Variants in RAB27A observed in about 807,000 individuals in gnomAD.
RAB27A encodes RAB27A, member RAS oncogene family.
RAB27A carries 17 observed loss-of-function variants against 20.8 expected under a neutral mutation model. That is an observed-to-expected ratio of 0.82 (90% CI 0.56 to 1.23). The LOEUF is 1.23. RAB27A is among the 50% of genes most tolerant of loss of function. The pLI, the probability that RAB27A is intolerant of heterozygous loss-of-function variation, is 0.00. For synonymous variants in RAB27A, 85 were observed against 92.8 expected (o/e 0.92, Z 0.48); for missense variants, 277 against 266.7 (o/e 1.04, Z -0.27).
chr15:55,225,487 TCTCAGGTCCCA>T (rs1157408489), intron 5 of RAB27A, among the ~76,000 whole-genome samples: 2 of 152,178 alleles, frequency 1.3e-5, no homozygotes, highest in Admixed American at 1.3e-4. Context: ...GACATGCAAG[TCTCAGGTCCCA>T]CTCCAGCTCT....
chr15:55,268,941 C>T (rs1897607667), intron 2 of RAB27A, among the ~76,000 whole-genome samples: 1 of 152,068 alleles, frequency 6.6e-6, no homozygotes, highest in Admixed American at 6.6e-5. Flanking sequence ...CCTAATCCAC[C>T]CTCATGGTCT....
intron 2 of RAB27A, among the ~76,000 whole-genome samples, chr15:55,252,870 C>T (rs989563519): frequency 9.9e-5 from 15 of 151,526 alleles, no homozygotes; most frequent in African/African-American, 3.4e-4. Flanking sequence ...CGCGGTGGCT[C>T]ACACCTGTAA....
chr15:55,227,743 T>G (rs999293817), intron 5 of RAB27A, among the ~76,000 whole-genome samples: 1 of 152,182 alleles, frequency 6.6e-6, no homozygotes, highest in Non-Finnish European at 1.5e-5. Flanking sequence ...CACTAAATTA[T>G]TTTTAAACTC....
chr15:55,314,432 G>T (rs149963477), intron 1 of RAB27A, among the ~76,000 whole-genome samples: 159 of 152,236 alleles, frequency 1.0e-3, no homozygotes, highest in African/African-American at 3.7e-3. Context: ...AGGGAATCAG[G>T]CAAGAGAAGA....
chr15:55,274,382 G>T (rs1051544584), intron 1 of RAB27A, among the ~76,000 whole-genome samples: 6 of 151,618 alleles, frequency 4.0e-5, no homozygotes, highest in African/African-American at 1.5e-4. Flanking sequence ...AAGAAAGAAT[G>T]AAATAATAAA....
At chr15:55,265,701 C>A (rs977986416) in intron 2 of RAB27A, among the ~76,000 whole-genome samples, 1 of 150,638 alleles carries the variant, frequency 6.6e-6, no homozygotes, top group Non-Finnish European at 1.5e-5. Flanking sequence ...CTGACTGATG[C>A]GGGCAGGTAA....
At chr15:55,234,749 T>G in intron 3 of RAB27A, 33 bp downstream of exon 3, 1 of 1,580,120 alleles carries the variant, frequency 6.3e-7, no homozygotes, top group South Asian at 1.1e-5. Flanking sequence ...GACTTAACGA[T>G]TACATTTTTA....
chr15:55,257,883 C>A (rs1897135877), intron 2 of RAB27A, among the ~76,000 whole-genome samples: 1 of 152,044 alleles, frequency 6.6e-6, no homozygotes, highest in African/African-American at 2.4e-5. Context: ...ATCCCGGCTA[C>A]TCAGGAGGCT....
chr15:55,248,310 T>G (rs1896764481), intron 2 of RAB27A, among the ~76,000 whole-genome samples: 1 of 152,128 alleles, frequency 6.6e-6, no homozygotes, highest in Non-Finnish European at 1.5e-5. Context: ...CTCTCTACAG[T>G]CTTCTTCCTC....
chr15:55,271,856 G>A (rs1398131353), intron 1 of RAB27A, among the ~76,000 whole-genome samples: 1 of 152,096 alleles, frequency 6.6e-6, no homozygotes, highest in Non-Finnish European at 1.5e-5. Context: ...ACCACCACCG[G>A]CCTCAAGAAC....
At chr15:55,243,037 T>C (rs526213) in intron 2 of RAB27A, among the ~76,000 whole-genome samples, 79,197 of 151,930 alleles carry the variant, frequency 0.52, 21,254 homozygotes, top group East Asian at 0.76. Context: ...AAATGCTTTA[T>C]AATTAAGGCT....
At position 55,233,767 on chromosome 15, in the gene RAB27A, C is replaced by T. The variant is rs563325753; in HGVS notation, c.153+1015G>A. 2.0e-5 allele frequency among the ~76,000 whole-genome samples: 3 copies of T among 152,196 alleles called. No individual in the cohort carries two copies. The South Asian group carries it at 6.2e-4, about 32-fold the overall frequency. On this transcript the variant is annotated intron_variant, in intron 3 of 6. Transcript: ENST00000336787. ...CAACTCCGAATATATTAAAAACCACCGAATTTTATACTTTAGATGGATGGA... is the reference window on the plus strand; with the variant it reads ...CAACTCCGAATATATTAAAAACCACTGAATTTTATACTTTAGATGGATGGA...
At chr15:55,240,253 C>A (rs953053532) in intron 2 of RAB27A, among the ~76,000 whole-genome samples, 4 of 152,078 alleles carry the variant, frequency 2.6e-5, no homozygotes, top group Non-Finnish European at 2.9e-5. Flanking sequence ...ACAGTGAGAA[C>A]ACACAGTACC....
At chr15:55,253,392 A>G (rs528670451) in intron 2 of RAB27A, among the ~76,000 whole-genome samples, 2 of 151,882 alleles carry the variant, frequency 1.3e-5, no homozygotes, top group Non-Finnish European at 2.9e-5. Context: ...GGTTGCAGTG[A>G]GCCAAGATCG....
chr15:55,269,759 A>G (rs564762960), intron 2 of RAB27A: 1 of 152,376 alleles, frequency 6.6e-6, no homozygotes, highest in African/African-American at 2.4e-5. Flanking sequence ...AAAACAAAAC[A>G]AAACAAAACA....
intron 1 of RAB27A, among the ~76,000 whole-genome samples, chr15:55,287,748 GA>G (rs574996828): frequency 2.0e-3 from 268 of 133,098 alleles, no homozygotes; most frequent in Middle Eastern, 7.8e-3. Context: ...ACTCCATCTC[GA>G]AAAAAAAAAA....
chr15:55,237,342 A>G (rs1896301194), intron 2 of RAB27A: 1 of 152,174 alleles, frequency 6.6e-6, no homozygotes, highest in Admixed American at 6.5e-5. Flanking sequence ...CTGAATGCTG[A>G]GCCCCAAAAG....
At chr15:55,278,037 T>TA (rs1307677496) in intron 1 of RAB27A, among the ~76,000 whole-genome samples, 1 of 152,240 alleles carries the variant, frequency 6.6e-6, no homozygotes, top group Non-Finnish European at 1.5e-5. Flanking sequence ...CTGTAGCTAT[T>TA]ATACTCACTT....
At chr15:55,268,536 C>A (rs771335553) in intron 2 of RAB27A, among the ~76,000 whole-genome samples, 17 of 152,258 alleles carry the variant, frequency 1.1e-4, no homozygotes, top group South Asian at 4.1e-4. Flanking sequence ...TGTGTCAGGA[C>A]CCTGATTGTG....
Sources: gnomAD v4.1 joint callset for allele counts (sites outside exome capture counted in the v4.1 genomes callset) on GRCh38, gnomAD v4.1.1 for gene constraint, MANE v1.5 for transcripts, NCBI Gene and HGNC (gene_info 2026-07-23, HGNC 2026-07-21) for gene names.